The following BABAM1 variants were observed in gnomAD, a reference collection of about 807,000 sequenced individuals.
BABAM1 encodes BRISC and BRCA1-A complex member 1.
In BABAM1, 14 loss-of-function variants were observed where a neutral mutation model predicts 34.4. The ratio of observed to expected loss-of-function variants is 0.41; its 90% CI spans 0.27 to 0.64. BABAM1 has a LOEUF of 0.64. BABAM1 is among the 30% of genes least tolerant of loss of function. The probability of loss-of-function intolerance (pLI) is 0.34; values close to 1 mark genes in which losing one functional copy is unlikely to be tolerated. For synonymous variants in BABAM1, 169 were observed against 165.8 expected, an observed-to-expected ratio of 1.02 and a Z score of -0.15; for missense variants, 393 against 434.0, an observed-to-expected ratio of 0.91 and a Z score of 0.84.
chr19:17,275,655 G>C, intron 5 of BABAM1, 146 bp from the exon 6 acceptor site: 1 of 923,826 alleles, frequency 1.1e-6, no homozygotes, highest in Middle Eastern at 3.3e-4. Flanking sequence ...AGGGGAATTT[G>C]TGTGTCAGAG....
At chr19:17,276,689 G>T in intron 7 of BABAM1, 65 bp downstream of exon 7, 2 of 1,564,504 alleles carry the variant, frequency 1.3e-6, no homozygotes, top group Non-Finnish European at 8.7e-7. Context: ...GACACCAGGA[G>T]GGACTTCCAA....
At chr19:17,276,988 G>T in intron 8 of BABAM1, 79 bp downstream of exon 8, 2 of 1,355,274 alleles carry the variant, frequency 1.5e-6, no homozygotes, top group Admixed American at 2.0e-5. Flanking sequence ...GGGTCTGGGG[G>T]TCTCTACCTC....
At chr19:17,270,107 T>G (rs2073821908) in intron 2 of BABAM1, among the ~76,000 whole-genome samples, 1 of 151,838 alleles carries the variant, frequency 6.6e-6, no homozygotes, top group Non-Finnish European at 1.5e-5. Context: ...ATTTTTTGTA[T>G]TTTTTAGTAG....
intron 1 of BABAM1, among the ~76,000 whole-genome samples, chr19:17,268,301 G>A (rs1020263673): frequency 2.6e-5 from 4 of 151,958 alleles, no homozygotes; most frequent in Non-Finnish European, 4.4e-5. Context: ...ATCTTATGTC[G>A]GAGTGGCTGC....
At chr19:17,271,162 G>T (rs1345660025) in intron 2 of BABAM1, among the ~76,000 whole-genome samples, 2 of 151,918 alleles carry the variant, frequency 1.3e-5, no homozygotes, top group Non-Finnish European at 2.9e-5. Context: ...CCAATTTTTT[G>T]TATTTTTAGC....
chr19:17,271,461 A>T, intron 2 of BABAM1, 136 bp from the exon 3 acceptor site: 1 of 899,344 alleles, frequency 1.1e-6, no homozygotes, highest in Non-Finnish European at 1.7e-6. Flanking sequence ...TTGCTTTTCA[A>T]AGTAGATGGC....
intron 3 of BABAM1, among the ~76,000 whole-genome samples, chr19:17,272,181 A>G (rs35604430): frequency 0.4 from 60,455 of 151,924 alleles, 12,211 homozygotes; most frequent in Non-Finnish European, 0.41. Flanking sequence ...ATCTGAAGTC[A>G]TCTGCCTGCC....
In BABAM1 at chr19:17,269,009, C is replaced by T; in HGVS notation, c.203C>T (p.Ala68Val). The change falls in exon 2 of 9, where the codon GCC becomes GTC. Residue 68 changes from alanine to valine, a missense_variant. Transcript: ENST00000598188. ...GATGGGAGCCTCAACACTTCAGGAG[C>T]CGGCCCTAAGTCCTGGCAGGTGCCC... The part of the protein sequence containing the change: ...ADDGSLNTSG[A>V]GPKSWQVPPP... 1.3e-6 allele frequency: 2 copies of T among 1,589,016 alleles called. No homozygotes were observed. The highest frequency in any genetic ancestry group is 1.7e-6 in the Non-Finnish European group (2 of 1,168,760).
intron 2 of BABAM1, among the ~76,000 whole-genome samples, chr19:17,269,323 T>C (rs1451153141): frequency 4.6e-5 from 7 of 151,956 alleles, no homozygotes; most frequent in Non-Finnish European, 4.4e-5. Flanking sequence ...GAGGGAATTC[T>C]TTCTTGCCTC....
chr19:17,277,012 T>A, intron 8 of BABAM1, 103 bp downstream of exon 8: 1 of 1,120,544 alleles, frequency 8.9e-7, no homozygotes, highest in Non-Finnish European at 1.3e-6. Context: ...TTGATACCCC[T>A]GGAACCCTGG....
intron 2 of BABAM1, among the ~76,000 whole-genome samples, chr19:17,269,593 C>T (rs576102766): frequency 2.0e-5 from 3 of 152,160 alleles, no homozygotes; most frequent in East Asian, 1.9e-4. Context: ...TTGGGTGATC[C>T]GCCTGCCTTG....
intron 5 of BABAM1, among the ~76,000 whole-genome samples, chr19:17,275,180 C>T (rs1231841148): frequency 2.0e-5 from 3 of 152,140 alleles, no homozygotes; most frequent in Admixed American, 1.3e-4. Context: ...GCTGAGATTA[C>T]AGGCATGAGC....
At chr19:17,276,420 G>C (rs1455167805) in intron 6 of BABAM1, 75 bp from the exon 7 acceptor site, 2 of 1,548,192 alleles carry the variant, frequency 1.3e-6, no homozygotes, top group East Asian at 2.4e-5. Flanking sequence ...TGAGCATCTG[G>C]GGTCTCTCTC....
intron 2 of BABAM1, among the ~76,000 whole-genome samples, chr19:17,269,965 G>T (rs1199301602): frequency 2.8e-5 from 4 of 142,456 alleles, no homozygotes; most frequent in African/African-American, 7.9e-5. Flanking sequence ...TCACTCTGTT[G>T]CCCAGGCTGG....
At chr19:17,276,444 G>T (rs758425891) in intron 6 of BABAM1, 51 bp from the exon 7 acceptor site, 1 of 1,561,134 alleles carries the variant, frequency 6.4e-7, no homozygotes. Flanking sequence ...GTGATAAGAG[G>T]GGCAGACCCC....
chr19:17,277,746 G>A (rs1199628993), intron 8 of BABAM1, among the ~76,000 whole-genome samples: 1 of 152,192 alleles, frequency 6.6e-6, no homozygotes, highest in Non-Finnish European at 1.5e-5. Flanking sequence ...AGGCGTGGTG[G>A]TGTACGCCTG....
At chr19:17,273,559 GTTTTGTTTTTT>G (rs2073869175) in intron 3 of BABAM1, among the ~76,000 whole-genome samples, 2 of 24,614 alleles carry the variant, frequency 8.1e-5, no homozygotes, top group Admixed American at 3.2e-4. Context: ...TTTTTTGTTT[GTTTTGTTTTTT>G]TTTTTTTTTT....
intron 5 of BABAM1, chr19:17,274,571 T>A (rs3837926): frequency 0.17 from 28,036 of 166,700 alleles, 2,206 homozygotes; most frequent in Non-Finnish European, 0.19. Flanking sequence ...CCGTCTTTTT[T>A]AAAAAAAAAA....
intron 2 of BABAM1, among the ~76,000 whole-genome samples, chr19:17,270,891 CCT>C (rs1165822060): frequency 1.3e-5 from 2 of 151,792 alleles, no homozygotes; most frequent in Admixed American, 6.6e-5. Flanking sequence ...CAGGTTTCAC[CCT>C]GTTAGCCAGG....
Sources: allele counts gnomAD v4.1 joint callset (sites outside exome capture counted in the v4.1 genomes callset), GRCh38; gene constraint gnomAD v4.1.1; transcripts MANE v1.5; gene names NCBI Gene and HGNC (gene_info 2026-07-23, HGNC 2026-07-21).